The following TRIM45 variants were observed in gnomAD, a reference collection of about 807,000 sequenced individuals.
The protein encoded by TRIM45 is E3 ubiquitin-protein ligase TRIM45.
In TRIM45, 45 loss-of-function variants were observed where a neutral mutation model predicts 46.7. The observed-to-expected ratio is 0.96, with a 90% CI of 0.76 to 1.24. The LOEUF (loss-of-function observed/expected upper bound fraction) is 1.24. TRIM45 is among the 50% of genes most tolerant of loss of function. The probability of loss-of-function intolerance (pLI) is 0.00; values close to 1 mark genes in which losing one functional copy is unlikely to be tolerated. For synonymous variants in TRIM45, 259 were observed against 285.8 expected (o/e 0.91, Z 0.94); for missense variants, 680 against 728.4 (o/e 0.93, Z 0.77).
rs376744553 is a variant in TRIM45 at position 117,115,285 on chromosome 1, C to A, written c.1467+290G>T. Among the ~76,000 whole-genome samples, 4 of 152,052 alleles carry A rather than the reference C, an allele frequency of 2.6e-5. No homozygotes were observed. The East Asian group carries it at 5.8e-4, about 22-fold the overall frequency. ...ATGGTTGTCTGCTGGCAGATCACCC[C>A]CTGTGATCAAGACATCTTCTCCATA... On this transcript the variant is annotated intron_variant, in intron 4 of 5. Transcript: ENST00000256649. The surrounding 1 kb of genome is among the most constrained non-coding windows in gnomAD (Gnocchi z 4.2).
Position 117,113,048 on chromosome 1 carries a change from T to C in TRIM45, c.1594+311A>G, listed in dbSNP as rs748924513. 1.3e-5 allele frequency among the ~76,000 whole-genome samples: 2 copies of C among 152,158 alleles called. No homozygotes were observed. The highest frequency in any genetic ancestry group is 2.4e-5 in the African/African-American group (1 of 41,452). On this transcript the variant is annotated intron_variant, in intron 5 of 5. Coordinates refer to ENST00000256649, the MANE Select transcript of TRIM45 (RefSeq NM_025188.4). This position sits in a 1 kb window ranked among gnomAD's most constrained non-coding sequence, Gnocchi z 4.0. ...AAGGTTCTAAAAGGAATAAGATGGG[T>C]CCATAGTTTTCACACTGCTTAGGCC... is the stretch of plus-strand genomic sequence containing the variant.
In TRIM45 at chr1:117,121,235, C is replaced by T; in HGVS notation, c.-34G>A. ...CGTTTGTGACCAATATTAGAAAGGG[C>T]CCTGGGCAGTTCTACGATTTAGTAG... On this transcript the variant is annotated 5_prime_UTR_variant, in exon 1 of 6. Transcript: ENST00000256649. The surrounding 1 kb of genome is among the most constrained non-coding windows in gnomAD (Gnocchi z 4.2). 3 of 1,509,942 alleles carry T rather than the reference C, an allele frequency of 2.0e-6. No homozygotes were observed. Among genetic ancestry groups the T allele is most frequent in the East Asian group, 2.3e-5 (1 of 44,190 alleles). 93.5% of individuals were successfully genotyped at this position (1,509,942 alleles called of 1,614,324 possible). A position where few individuals can be genotyped will look rare whatever the true frequency, so the allele number is the denominator to read the frequency against.
In TRIM45 at chr1:117,112,148, T is replaced by G; in HGVS notation, c.*157A>C. 1.4e-6 allele frequency: 1 copy of G among 737,272 alleles called. No homozygotes were observed. The highest frequency in any genetic ancestry group is 1.9e-6 in the Non-Finnish European group (1 of 517,886). 45.7% of individuals were successfully genotyped at this position (737,272 alleles called of 1,614,324 possible). On this transcript the variant is annotated 3_prime_UTR_variant, in exon 6 of 6. Transcript: ENST00000256649. ...TGTGCTCAACCATCCACAAGTACAA[T>G]CAGTGAATAACTAACAAAAGAGCAC... is the stretch of plus-strand genomic sequence containing the variant.
intron 4 of TRIM45, among the ~76,000 whole-genome samples, chr1:117,114,967 AT>A (rs1650345595): frequency 6.6e-6 from 1 of 152,148 alleles, no homozygotes; most frequent in Non-Finnish European, 1.5e-5. Flanking sequence ...GTATCACCCA[AT>A]TTTTAAAAAC....
intron 4 of TRIM45, among the ~76,000 whole-genome samples, chr1:117,114,513 T>C (rs1650329385): frequency 6.6e-6 from 1 of 152,214 alleles, no homozygotes; most frequent in Non-Finnish European, 1.5e-5. Flanking sequence ...GAGAGCCACA[T>C]TGTTTGCGAA....
chr1:117,121,773 C>G (rs990110068), upstream of TRIM45: 26 of 703,280 alleles, frequency 3.7e-5, no homozygotes, highest in Admixed American at 2.9e-4. The surrounding 1 kb of genome is among the most constrained non-coding windows in gnomAD (Gnocchi z 4.2). Context: ...AATCCCAGCC[C>G]GGTCTACTCC....
At chr1:117,120,316 T>A (rs1271609100) in intron 1 of TRIM45, among the ~76,000 whole-genome samples, 1 of 152,146 alleles carries the variant, frequency 6.6e-6, no homozygotes, top group Non-Finnish European at 1.5e-5. Flanking sequence ...TTTCCCCAAT[T>A]AATAAATGGG....
In TRIM45 at chr1:117,121,318, G is replaced by C; in HGVS notation, c.-117C>G. 7.9e-7 allele frequency: 1 copy of C among 1,271,636 alleles called. No individual in the cohort carries two copies. The allele number at this position is 1,271,636 out of a possible 1,614,324, so 78.8% of individuals were successfully genotyped here. ...CCAGAACTTGAACAGAGACCATGGG[G>C]ACTCCCTCGCTGACAAATAAAAGGG... On this transcript the variant is annotated 5_prime_UTR_variant, in exon 1 of 6. Coordinates refer to ENST00000256649, the MANE Select transcript of TRIM45 (RefSeq NM_025188.4). This position sits in a 1 kb window ranked among gnomAD's most constrained non-coding sequence, Gnocchi z 4.2.
In TRIM45 at chr1:117,121,687, G is replaced by A. The variant is rs914214741; in HGVS notation, c.-486C>T. 2 of 548,446 alleles carry A rather than the reference G, an allele frequency of 3.6e-6. No individual in the cohort carries two copies. The highest frequency in any genetic ancestry group is 4.0e-5 in the African/African-American group (2 of 49,622). The allele number at this position is 548,446 out of a possible 1,614,324, so 34.0% of individuals were successfully genotyped here. ...CGGGTGAGGGAATTGCAAGCCGCCG[G>A]CGGGCTTCTCGGTGTCCACCGCCTC... On this transcript the variant is annotated 5_prime_UTR_variant, in exon 1 of 6. Coordinates refer to ENST00000256649, the MANE Select transcript of TRIM45 (RefSeq NM_025188.4). The surrounding 1 kb of genome is among the most constrained non-coding windows in gnomAD (Gnocchi z 4.2).
At position 117,116,765 on chromosome 1, in the gene TRIM45, G is replaced by A. The variant is rs533338074; in HGVS notation, c.1223-20C>T. On this transcript the variant is annotated intron_variant, in intron 2 of 5. Coordinates refer to ENST00000256649, the MANE Select transcript of TRIM45 (RefSeq NM_025188.4). The surrounding 1 kb of genome is among the most constrained non-coding windows in gnomAD (Gnocchi z 4.6). Reference sequence around the variant, plus strand: ...GGAGGTCTGAAAAAGATAAACACTCGGTCCTCACCTCGAATGTAAACTGCA... The same window carrying A: ...GGAGGTCTGAAAAAGATAAACACTCAGTCCTCACCTCGAATGTAAACTGCA... 35 of 1,613,526 alleles carry A rather than the reference G, an allele frequency of 2.2e-5. No individual in the cohort carries two copies. The highest frequency in any genetic ancestry group is 5.5e-5 in the South Asian group (5 of 91,064).
rs1344577425 is a variant in TRIM45, at chr1:117,111,500, A to C, written c.*805T>G. ...CATAGAGACGGAGTAGGGGGACACC[A>C]CCAAAACAAGATCACATTATCATGA... On this transcript the variant is annotated 3_prime_UTR_variant, in exon 6 of 6. Coordinates refer to ENST00000256649, the MANE Select transcript of TRIM45 (RefSeq NM_025188.4). 6.6e-6 allele frequency: 1 copy of C among 152,224 alleles called. No homozygotes were observed. The highest frequency in any genetic ancestry group is 1.5e-5 in the Non-Finnish European group (1 of 68,050). 9.4% of individuals were successfully genotyped at this position (152,224 alleles called of 1,614,324 possible).
intron 1 of TRIM45, among the ~76,000 whole-genome samples, chr1:117,119,887 G>A (rs1221972020): frequency 6.6e-6 from 1 of 152,208 alleles, no homozygotes; most frequent in East Asian, 1.9e-4. Flanking sequence ...GTTAAAAATA[G>A]AGTGAAGTCT....
Position 117,121,126 on chromosome 1 carries a change from T to G in TRIM45, c.76A>C (p.Lys26Gln), listed in dbSNP as rs35074348. The change falls in exon 1 of 6, where the codon AAG (lysine) becomes CAG (glutamine). Residue 26 changes from lysine to glutamine, a missense_variant. Transcript: ENST00000256649. This position sits in a 1 kb window ranked among gnomAD's most constrained non-coding sequence, Gnocchi z 4.2. ...CCCAAGCACAGGGGGCAGTGAGTCT[T>G]GCCTGAGTTCCCAAGTGCAGTCCCA... ...TSGTALGNSG[K>Q]THCPLCLGLF... 1 of 1,611,514 alleles carries G rather than the reference T, an allele frequency of 6.2e-7. No individual in the cohort carries two copies. Among genetic ancestry groups the G allele is most frequent in the South Asian group, 1.1e-5 (1 of 91,028 alleles).
rs913016726 is a variant in TRIM45, at chr1:117,111,361, T to C, written c.*944A>G. 2 of 152,334 alleles carry C rather than the reference T, an allele frequency of 1.3e-5. No individual in the cohort carries two copies. Among genetic ancestry groups the C allele is most frequent in the East Asian group, 3.9e-4 (2 of 5,186 alleles). 9.4% of individuals were successfully genotyped at this position (152,334 alleles called of 1,614,324 possible). A position where few individuals can be genotyped will look rare whatever the true frequency, so the allele number is the denominator to read the frequency against. On this transcript the variant is annotated 3_prime_UTR_variant, in exon 6 of 6. Transcript: ENST00000256649. ...TCTAGATTTTCTGTATAAGTAGAAC[T>C]GTAATAAATGTATGAGGTTCTATTT...
At chr1:117,120,620 G>A in intron 1 of TRIM45, 94 bp downstream of exon 1, 1 of 1,497,668 alleles carries the variant, frequency 6.7e-7, no homozygotes, top group Non-Finnish European at 8.9e-7. Flanking sequence ...TATTTGAGAA[G>A]GCTTTCCTTT....
intron 4 of TRIM45, among the ~76,000 whole-genome samples, chr1:117,114,500 T>C (rs567037352): frequency 6.6e-6 from 1 of 152,344 alleles, no homozygotes; most frequent in South Asian, 2.1e-4. Flanking sequence ...CCTATCCTTA[T>C]GTGAGAGCCA....
chr1:117,115,367 G>C lies in TRIM45; in HGVS notation c.1467+208C>G, dbSNP rs1286291098. On this transcript the variant is annotated intron_variant, in intron 4 of 5. Transcript: ENST00000256649. This position sits in a 1 kb window ranked among gnomAD's most constrained non-coding sequence, Gnocchi z 4.2. ...GATAAGCTATAAGCATAACTGCCTG[G>C]AGGTGACACAGGGATACAGGGTTCT... Among the ~76,000 whole-genome samples, 1 of 152,188 alleles carries C rather than the reference G, an allele frequency of 6.6e-6. No individual in the cohort carries two copies. Among genetic ancestry groups the C allele is most frequent in the Non-Finnish European group, 1.5e-5 (1 of 68,036 alleles).
rs188927891 is a variant in TRIM45 at position 117,111,679 on chromosome 1, T to A, written c.*626A>T. 4 of 152,194 alleles carry A rather than the reference T, an allele frequency of 2.6e-5. No homozygotes were observed. The highest frequency in any genetic ancestry group is 9.7e-5 in the African/African-American group (4 of 41,428). The allele number at this position is 152,194 out of a possible 1,614,324, so 9.4% of individuals were successfully genotyped here. On this transcript the variant is annotated 3_prime_UTR_variant, in exon 6 of 6. Transcript: ENST00000256649. ...ATAATAGGCCAGGTGTGGTGGCTCA[T>A]GCTTGTAACCCCAGCACTTTGGGAG...
rs1010850098 is a variant in TRIM45 at position 117,116,288 on chromosome 1, C to T, written c.1352+328G>A. ...TTGCTCTGTTGCCCAGGCTGGAGTG[C>T]ACTGGCACAATCACAGCTCACTGCA... On this transcript the variant is annotated intron_variant, in intron 3 of 5. Coordinates refer to ENST00000256649, the MANE Select transcript of TRIM45 (RefSeq NM_025188.4). The surrounding 1 kb of genome is among the most constrained non-coding windows in gnomAD (Gnocchi z 4.6). Among the ~76,000 whole-genome samples, 3 of 150,678 alleles carry T rather than the reference C, an allele frequency of 2.0e-5. No individual in the cohort carries two copies. Among genetic ancestry groups the T allele is most frequent in the African/African-American group, 7.4e-5 (3 of 40,814 alleles).
Sources: allele counts gnomAD v4.1 joint callset (sites outside exome capture counted in the v4.1 genomes callset), GRCh38; gene constraint gnomAD v4.1.1; non-coding constraint Gnocchi (gnomAD v3.1); transcripts MANE v1.5; gene names NCBI Gene and HGNC (gene_info 2026-07-23, HGNC 2026-07-21).